KIF24: variants seen among roughly 807,000 people sequenced by gnomAD.
The protein encoded by KIF24 is kinesin family member 24, also known as kinesin-like protein KIF24.
A neutral mutation model predicts 118.9 loss-of-function variants in KIF24; 81 were observed. The ratio of observed to expected loss-of-function variants is 0.68; its 90% CI spans 0.57 to 0.82. The LOEUF (loss-of-function observed/expected upper bound fraction) is 0.82. KIF24 is among the 40% of genes least tolerant of loss of function. The pLI, the probability that KIF24 is intolerant of heterozygous loss-of-function variation, is 0.00. For missense variants in KIF24, 1,560 were observed against 1,661.6 expected (o/e 0.94, Z 1.06); for synonymous variants, 599 against 610.0 (o/e 0.98, Z 0.27).
chr9:34,324,228 T>C (rs1373322323), intron 1 of KIF24, among the ~76,000 whole-genome samples: 1 of 152,204 alleles, frequency 6.6e-6, no homozygotes, highest in African/African-American at 2.4e-5. Context: ...GGAATCACTA[T>C]AAAAATGTCT....
intron 5 of KIF24, among the ~76,000 whole-genome samples, chr9:34,288,145 C>CT (rs1340368712): frequency 1.3e-5 from 2 of 151,986 alleles, no homozygotes; most frequent in Non-Finnish European, 2.9e-5. Flanking sequence ...AACATACATA[C>CT]TTTTGTCTAC....
At chr9:34,305,332 C>T (rs1264010419) in intron 3 of KIF24, among the ~76,000 whole-genome samples, 1 of 152,150 alleles carries the variant, frequency 6.6e-6, no homozygotes, top group Non-Finnish European at 1.5e-5. Context: ...GCAATCTACC[C>T]TGTATAAAGT....
chr9:34,320,332 CAAA>C (rs66835823), intron 1 of KIF24, among the ~76,000 whole-genome samples: 9 of 106,318 alleles, frequency 8.5e-5, no homozygotes, highest in African/African-American at 8.0e-5. Flanking sequence ...AATGTTCCAA[CAAA>C]AAAAAAAAAA....
At chr9:34,263,213 AAGGGAG>A (rs1471117453) in intron 8 of KIF24, 41 bp from the exon 9 acceptor site, 1 of 1,485,772 alleles carries the variant, frequency 6.7e-7, no homozygotes, top group Non-Finnish European at 9.4e-7. Flanking sequence ...ATCAAGTGCA[AAGGGAG>A]AGTAACAGAC....
At chr9:34,279,019 G>A (rs543050088) in intron 6 of KIF24, among the ~76,000 whole-genome samples, 16 of 152,090 alleles carry the variant, frequency 1.1e-4, no homozygotes, top group Non-Finnish European at 2.1e-4. Flanking sequence ...TGGGAGGATC[G>A]CTTGAGCCCA....
At chr9:34,287,935 T>C (rs1836111764) in intron 5 of KIF24, among the ~76,000 whole-genome samples, 1 of 147,302 alleles carries the variant, frequency 6.8e-6, no homozygotes, top group African/African-American at 2.5e-5. Context: ...AAAAGGAAGA[T>C]CTAACTTTTA....
chr9:34,269,130 A>G (rs1324443439), intron 8 of KIF24, 127 bp downstream of exon 8: 1 of 512,184 alleles, frequency 2.0e-6, no homozygotes, highest in East Asian at 3.1e-5. Flanking sequence ...CAACCCTGGC[A>G]TTCTATTACT....
intron 2 of KIF24, among the ~76,000 whole-genome samples, chr9:34,309,374 T>C (rs1473090150): frequency 6.6e-6 from 1 of 151,792 alleles, no homozygotes; most frequent in Non-Finnish European, 1.5e-5. Context: ...ACCCCACCTC[T>C]ACTAAAAATA....
intron 10 of KIF24, among the ~76,000 whole-genome samples, 172 bp from the exon 11 acceptor site, chr9:34,258,153 A>G (rs1054527067): frequency 1.3e-5 from 2 of 152,310 alleles, no homozygotes; most frequent in South Asian, 2.1e-4. Flanking sequence ...AGCATGAGAT[A>G]TCCCTCTGTA....
At chr9:34,259,807 C>T in intron 9 of KIF24, 102 bp from the exon 10 acceptor site, 1 of 706,274 alleles carries the variant, frequency 1.4e-6, no homozygotes. Flanking sequence ...CCCTTCTGTC[C>T]ACAAAAAGGT....
chr9:34,271,789 C>A lies in KIF24; in HGVS notation c.1337+20G>T, dbSNP rs1461644415. The A allele has an allele frequency of 1.9e-6, 3 of 1,611,946 alleles. No homozygotes were observed. The highest frequency in any genetic ancestry group is 2.5e-6 in the Non-Finnish European group (3 of 1,179,150). On this transcript the variant is annotated intron_variant, in intron 7 of 12. Transcript: ENST00000402558. The stretch of plus-strand genomic sequence containing the variant: ...TAAAGGAAAGGCAGACAATGTAACT[C>A]CCTGATATTTCCAGCTCACCTGCCA...
chr9:34,260,699 G>A (rs901342002), intron 9 of KIF24, among the ~76,000 whole-genome samples: 1 of 152,162 alleles, frequency 6.6e-6, no homozygotes, highest in South Asian at 2.1e-4. Flanking sequence ...GGCTGGGGAC[G>A]GTGGCTCATG....
chr9:34,299,468 C>T (rs1217364556), intron 3 of KIF24, among the ~76,000 whole-genome samples: 1 of 151,824 alleles, frequency 6.6e-6, no homozygotes, highest in Non-Finnish European at 1.5e-5. Flanking sequence ...AGGTGTGAGC[C>T]CATGCTGGCT....
In KIF24 at chr9:34,257,150, T is replaced by TTGGG; in HGVS notation, c.2453_2456dup (p.Gln819HisfsTer7). ...AATCACTGTCATCAAGTTCCTCTACTTGGGCTCCATCATGGTTTTCAGAGT... is the reference window on the plus strand; with the variant it reads ...AATCACTGTCATCAAGTTCCTCTACTTGGGTGGGCTCCATCATGGTTTTCAGAGT... On this transcript the variant is annotated frameshift_variant, in exon 11 of 13. Transcript: ENST00000402558. LOFTEE classifies it high-confidence loss of function. The TTGGG allele has an allele frequency of 6.2e-7, 1 of 1,614,062 alleles. No individual in the cohort carries two copies. The highest frequency in any genetic ancestry group is 8.5e-7 in the Non-Finnish European group (1 of 1,179,906).
chr9:34,332,084 C>T (rs937526583), upstream of KIF24, among the ~76,000 whole-genome samples: 3 of 152,218 alleles, frequency 2.0e-5, no homozygotes, highest in East Asian at 1.9e-4. Context: ...TGTCCTAATT[C>T]GTTCCCCAGC....
At chr9:34,295,177 T>G (rs566426469) in intron 4 of KIF24, among the ~76,000 whole-genome samples, 1 of 140,258 alleles carries the variant, frequency 7.1e-6, no homozygotes, top group South Asian at 2.4e-4. Context: ...GCTAGGTAGG[T>G]GGATTGGATG....
At chr9:34,261,182 T>C (rs922901279) in intron 9 of KIF24, among the ~76,000 whole-genome samples, 1 of 152,136 alleles carries the variant, frequency 6.6e-6, no homozygotes, top group Non-Finnish European at 1.5e-5. Flanking sequence ...AGAATAAAAC[T>C]CTGCCCATGT....
chr9:34,321,821 G>A (rs982700738), intron 1 of KIF24, among the ~76,000 whole-genome samples: 2 of 151,770 alleles, frequency 1.3e-5, no homozygotes, highest in African/African-American at 2.4e-5. Context: ...TGCCCAGGCT[G>A]GTCTGGAACT....
At chr9:34,260,813 A>C (rs138214694) in intron 9 of KIF24, among the ~76,000 whole-genome samples, 1 of 152,238 alleles carries the variant, frequency 6.6e-6, no homozygotes, top group East Asian at 1.9e-4. Context: ...TCTACTAAAA[A>C]TACAAAAGTT....
Sources: allele counts gnomAD v4.1 joint callset (sites outside exome capture counted in the v4.1 genomes callset), GRCh38; gene constraint gnomAD v4.1.1; transcripts MANE v1.5; gene names NCBI Gene and HGNC (gene_info 2026-07-23, HGNC 2026-07-21).